The following NOX4 variants were observed in gnomAD, a reference collection of about 807,000 sequenced individuals.
The protein encoded by NOX4 is kidney oxidase-1.
Under a neutral mutation model 87.6 loss-of-function variants are expected in NOX4, and 69 were observed. That is an observed-to-expected ratio of 0.79 (90% CI 0.65 to 0.96). The LOEUF is 0.96. Ranked by LOEUF, NOX4 falls within the 40% of genes least tolerant of loss-of-function variation. The probability of loss-of-function intolerance (pLI) is 0.00; values close to 1 mark genes in which losing one functional copy is unlikely to be tolerated. For missense variants in NOX4, 680 were observed against 681.5 expected, an observed-to-expected ratio of 1.00 and a Z score of 0.02; for synonymous variants, 275 against 238.2, an observed-to-expected ratio of 1.15 and a Z score of -1.42.
intron 11 of NOX4, among the ~76,000 whole-genome samples, chr11:89,385,598 C>G (rs1355006002): frequency 1.3e-5 from 2 of 152,136 alleles, no homozygotes; most frequent in Non-Finnish European, 2.9e-5. Context: ...CTCTTAAAAC[C>G]TCTCATTTTC....
chr11:89,438,586 TATACTATATATA>T (rs550057784), intron 6 of NOX4, among the ~76,000 whole-genome samples: 7,033 of 82,630 alleles, frequency 0.085, 379 homozygotes, highest in South Asian at 0.18. Context: ...CTATATATTA[TATACTATATATA>T]ATACTATATA....
chr11:89,545,367 A>T, the NOX4 span: 1 of 152,180 alleles, frequency 6.6e-6, no homozygotes, highest in Non-Finnish European at 1.5e-5. Flanking sequence ...TTTTTAATTT[A>T]GAAACCTTTT....
the NOX4 span, among the ~76,000 whole-genome samples, chr11:89,569,599 A>T: frequency 1.3e-5 from 2 of 152,336 alleles, no homozygotes; most frequent in East Asian, 3.9e-4. Flanking sequence ...GCTAGCAGGA[A>T]TGTAAATTAG....
intron 7 of NOX4, among the ~76,000 whole-genome samples, chr11:89,427,270 G>GA (rs141863225): frequency 2.6e-5 from 4 of 151,986 alleles, no homozygotes; most frequent in Non-Finnish European, 5.9e-5. Flanking sequence ...CAAAGATGGG[G>GA]AAAAAAACAG....
At chr11:89,470,957 C>A (rs998453020) in intron 2 of NOX4, among the ~76,000 whole-genome samples, 3 of 152,080 alleles carry the variant, frequency 2.0e-5, no homozygotes, top group East Asian at 3.9e-4. Context: ...CCTGTTCCAA[C>A]CCCCAGGATA....
chr11:89,386,788 C>T (rs533351043), intron 11 of NOX4, among the ~76,000 whole-genome samples: 1 of 152,120 alleles, frequency 6.6e-6, no homozygotes, highest in African/African-American at 2.4e-5. Flanking sequence ...AACTCTCCAA[C>T]CAAGCAAGTA....
the NOX4 span, among the ~76,000 whole-genome samples, chr11:89,504,849 G>A: frequency 6.6e-6 from 1 of 151,894 alleles, no homozygotes; most frequent in African/African-American, 2.4e-5. Flanking sequence ...TCTTGATACT[G>A]TGCCAAAATT....
At chr11:89,478,834 A>C (rs1051933160) in intron 2 of NOX4, among the ~76,000 whole-genome samples, 1 of 152,102 alleles carries the variant, frequency 6.6e-6, no homozygotes, top group South Asian at 2.1e-4. Flanking sequence ...TACAAAATCA[A>C]AATAGTAAAT....
intron 6 of NOX4, among the ~76,000 whole-genome samples, chr11:89,437,172 C>T (rs1040403372): frequency 2.6e-5 from 4 of 151,760 alleles, no homozygotes; most frequent in African/African-American, 9.7e-5. Context: ...ACCAGCCTGG[C>T]CAACATAGTG....
At chr11:89,567,357 A>G in the NOX4 span, among the ~76,000 whole-genome samples, 4 of 152,120 alleles carry the variant, frequency 2.6e-5, no homozygotes, top group East Asian at 7.8e-4. Context: ...GCACCTGCCT[A>G]TGGCCTCTTC....
At chr11:89,402,717 A>T (rs992541243) in intron 8 of NOX4, among the ~76,000 whole-genome samples, 175 bp from the exon 9 acceptor site, 38 of 152,294 alleles carry the variant, frequency 2.5e-4, no homozygotes, top group African/African-American at 5.8e-4. Context: ...ATCTTAAAAA[A>T]TTTTGAGAAA....
In NOX4 at chr11:89,444,186, C is replaced by T. The variant is rs1309921265; in HGVS notation, c.396G>A (p.Val132=). Reference sequence around the variant, plus strand: ...GTTCAACAAAGTCTTCACTGTAATTCACTGAGAAGTTGAGGGCATTCACCA... The same window carrying T: ...GTTCAACAAAGTCTTCACTGTAATTTACTGAGAAGTTGAGGGCATTCACCA... The part of the protein sequence containing the change: ...AHLVNALNFS[V]NYSEDFVELN... The change falls in exon 5 of 18, where the codon GTG becomes GTA. Residue 132 remains valine (V), a synonymous_variant. Transcript: ENST00000263317. 6.2e-7 allele frequency: 1 copy of T among 1,613,614 alleles called. No individual in the cohort carries two copies. The highest frequency in any genetic ancestry group is 2.2e-5 in the East Asian group (1 of 44,848).
intron 12 of NOX4, among the ~76,000 whole-genome samples, chr11:89,360,961 A>C (rs1476591568): frequency 6.6e-6 from 1 of 152,072 alleles, no homozygotes; most frequent in Non-Finnish European, 1.5e-5. Context: ...AGATGTTGGT[A>C]TGGATGTGGT....
the NOX4 span, among the ~76,000 whole-genome samples, chr11:89,520,320 C>T: frequency 3.0e-4 from 46 of 151,914 alleles, no homozygotes; most frequent in African/African-American, 1.1e-3. Context: ...CACTAATTTC[C>T]AGATTCCATA....
rs1391868521 is a variant in NOX4, at chr11:89,408,163, G to T, written c.630-5621C>A. On this transcript the variant is annotated intron_variant, in intron 8 of 17. Coordinates refer to ENST00000263317, the MANE Select transcript of NOX4 (RefSeq NM_016931.5). ...AGAATGTGCACTTCTTAAAGTCAAG[G>T]GTTTATCCTGCTCCACTGCTATTTT... 5.9e-5 allele frequency among the ~76,000 whole-genome samples: 9 copies of T among 152,108 alleles called. No individual in the cohort carries two copies. The South Asian group carries it at 1.5e-3, about 25-fold the overall frequency.
At chr11:89,511,981 A>T in the NOX4 span, among the ~76,000 whole-genome samples, 1 of 152,216 alleles carries the variant, frequency 6.6e-6, no homozygotes, top group Middle Eastern at 3.4e-3. Context: ...AGATGTAATT[A>T]GTAGGTGTTT....
chr11:89,549,540 T>G, the NOX4 span, among the ~76,000 whole-genome samples: 2 of 152,220 alleles, frequency 1.3e-5, no homozygotes, highest in African/African-American at 4.8e-5. Context: ...GTGCAGGGCA[T>G]GCAGGTTTGT....
At chr11:89,383,697 T>C (rs576699933) in intron 11 of NOX4, among the ~76,000 whole-genome samples, 1 of 152,262 alleles carries the variant, frequency 6.6e-6, no homozygotes, top group African/African-American at 2.4e-5. Flanking sequence ...CATTCTTTTA[T>C]GCACTCCTTT....
the NOX4 span, among the ~76,000 whole-genome samples, chr11:89,531,498 G>A: frequency 6.6e-6 from 1 of 152,116 alleles, no homozygotes; most frequent in African/African-American, 2.4e-5. Context: ...CATTGATATG[G>A]TTTGGCTTTG....
Sources: allele counts gnomAD v4.1 joint callset (sites outside exome capture counted in the v4.1 genomes callset), GRCh38; gene constraint gnomAD v4.1.1; transcripts MANE v1.5; gene names NCBI Gene and HGNC (gene_info 2026-07-23, HGNC 2026-07-21).